RIMBP2: variants seen among roughly 807,000 people sequenced by gnomAD.
RIMBP2 encodes RIMS-binding protein 2.
In RIMBP2, 48 loss-of-function variants were observed where a neutral mutation model predicts 118.6. That is an observed-to-expected ratio of 0.40 (90% CI 0.32 to 0.51). The LOEUF (loss-of-function observed/expected upper bound fraction) is 0.51, where lower values mean the gene tolerates loss of function less well. Among genes scored for constraint, RIMBP2 ranks in the 20% least tolerant of loss-of-function variants. The probability of loss-of-function intolerance (pLI) is 0.41; values close to 1 mark genes in which losing one functional copy is unlikely to be tolerated. For synonymous variants in RIMBP2, 762 were observed against 742.9 expected (o/e 1.03, Z -0.42); for missense variants, 1,551 against 1,768.3 (o/e 0.88, Z 2.20).
intron 6 of RIMBP2, among the ~76,000 whole-genome samples, chr12:130,461,269 G>A (rs1336423605): frequency 2.6e-5 from 4 of 152,176 alleles, no homozygotes; most frequent in African/African-American, 7.2e-5. Flanking sequence ...GGGGGGTCCC[G>A]GAGTGGACTT....
chr12:130,620,940 C>T lies in RIMBP2; in HGVS notation c.-217+7382G>A, dbSNP rs117790523. 0.041 allele frequency among the ~76,000 whole-genome samples: 6,177 copies of T among 152,216 alleles called. 160 individuals carry two copies. The highest frequency in any genetic ancestry group is 0.066 in the Non-Finnish European group (4,491 of 68,008). On this transcript the variant is annotated intron_variant, in intron 2 of 22. Transcript: ENST00000690449. The surrounding 1 kb of genome is among the most constrained non-coding windows in gnomAD (Gnocchi z 5.3). ...ACCTGGAACCTGCAGACCTGGACTCCGGGCCTGGGGCACCTGTGAGCCATC... is the reference window on the plus strand; with the variant it reads ...ACCTGGAACCTGCAGACCTGGACTCTGGGCCTGGGGCACCTGTGAGCCATC...
intron 9 of RIMBP2, among the ~76,000 whole-genome samples, chr12:130,449,302 G>A (rs1056725781): frequency 1.3e-5 from 2 of 152,234 alleles, no homozygotes; most frequent in African/African-American, 4.8e-5. Flanking sequence ...CTTTCCTTAC[G>A]ATCAGGTAGT....
intron 4 of RIMBP2, among the ~76,000 whole-genome samples, chr12:130,502,862 G>T (rs1344774666): frequency 1.3e-5 from 2 of 152,102 alleles, no homozygotes; most frequent in Non-Finnish European, 2.9e-5. Flanking sequence ...GGGATGCCAC[G>T]TGTGTCTCAC....
rs1166333122 is a variant in RIMBP2 at position 130,475,177 on chromosome 12, G to A, written c.102+3735C>T. ...CCCTGGGCACTTTCATCACTCATTCGTCATTCACCCATTTGTTTATTTCTC... is the reference window on the plus strand; with the variant it reads ...CCCTGGGCACTTTCATCACTCATTCATCATTCACCCATTTGTTTATTTCTC... On this transcript the variant is annotated intron_variant, in intron 5 of 22. Coordinates refer to ENST00000690449, the MANE Select transcript of RIMBP2 (RefSeq NM_001393629.1). This position sits in a 1 kb window ranked among gnomAD's most constrained non-coding sequence, Gnocchi z 4.1. 2.0e-5 allele frequency among the ~76,000 whole-genome samples: 3 copies of A among 152,294 alleles called. No homozygotes were observed. The highest frequency in any genetic ancestry group is 4.4e-5 in the Non-Finnish European group (3 of 68,020).
chr12:130,632,107 G>A (rs1306044260), intron 1 of RIMBP2, among the ~76,000 whole-genome samples: 5 of 152,298 alleles, frequency 3.3e-5, no homozygotes, highest in Non-Finnish European at 4.4e-5. Flanking sequence ...CTACTTCATC[G>A]TGGGACGATT....
intron 2 of RIMBP2, among the ~76,000 whole-genome samples, chr12:130,572,306 C>T (rs560373032): frequency 4.5e-5 from 6 of 133,900 alleles, no homozygotes; most frequent in Admixed American, 1.5e-4. Flanking sequence ...AAGACCCAGG[C>T]GCTCCTGAGT....
intron 3 of RIMBP2, among the ~76,000 whole-genome samples, chr12:130,515,320 C>T (rs1298944096): frequency 1.3e-5 from 2 of 152,204 alleles, no homozygotes; most frequent in Non-Finnish European, 2.9e-5. Context: ...ATCTCTAGAA[C>T]TCTCTTCCTC....
At chr12:130,500,411 TCACGCCACTG>T (rs1338950609) in intron 4 of RIMBP2, among the ~76,000 whole-genome samples, 1 of 152,162 alleles carries the variant, frequency 6.6e-6, no homozygotes, top group Non-Finnish European at 1.5e-5. Context: ...TGAGCCCAGA[TCACGCCACTG>T]CACTCCAGCC....
At chr12:130,643,418 G>A (rs1244881340) in intron 1 of RIMBP2, among the ~76,000 whole-genome samples, 2 of 152,198 alleles carry the variant, frequency 1.3e-5, no homozygotes, top group African/African-American at 2.4e-5. Flanking sequence ...CAGGACCATG[G>A]AAGCACAGAG....
At chr12:130,565,312 T>G (rs2057133995) in intron 2 of RIMBP2, among the ~76,000 whole-genome samples, 1 of 152,146 alleles carries the variant, frequency 6.6e-6, no homozygotes, top group African/African-American at 2.4e-5. Flanking sequence ...CTGGTAGGGA[T>G]GTAAAATGGG....
chr12:130,548,001 G>A (rs181514987), intron 2 of RIMBP2, among the ~76,000 whole-genome samples: 27 of 152,256 alleles, frequency 1.8e-4, no homozygotes, highest in African/African-American at 2.9e-4. Context: ...AAGGATGATC[G>A]TATGTCAAGT....
rs201638148 is a variant in RIMBP2, at chr12:130,456,574, C to G, written c.280G>C (p.Ala94Pro). 3.1e-4 allele frequency: 493 copies of G among 1,613,270 alleles called. 4 individuals are homozygous for G. The highest frequency in any genetic ancestry group is 1.7e-3 in the South Asian group (155 of 90,994). ...KIDLLGGSAVAPLDISTAPSK... is the reference protein window; with the variant it reads ...KIDLLGGSAVPPLDISTAPSK... ...GGGGCCGTGGAGATGTCCAGGGGGG[C>G]CACCGCGCTGCCACCCAGCAGGTCA... Residue 94 changes from alanine to proline, a missense_variant, in exon 7 of 23, where the codon GCC becomes CCC. This residue lies in a region of RIMBP2 where 239 missense variants were observed against 256.8 expected (regional missense o/e 0.93). Transcript: ENST00000690449.
chr12:130,557,535 G>A (rs570395597), intron 2 of RIMBP2, among the ~76,000 whole-genome samples: 4 of 152,214 alleles, frequency 2.6e-5, no homozygotes, highest in South Asian at 2.1e-4. Flanking sequence ...TCCAAAGCCC[G>A]CAGCCCCAGG....
At chr12:130,701,637 T>C (rs2065859840) in intron 1 of RIMBP2, among the ~76,000 whole-genome samples, 1 of 152,134 alleles carries the variant, frequency 6.6e-6, no homozygotes, top group Non-Finnish European at 1.5e-5. Context: ...TGAGACCGAC[T>C]GTAGCACCTG....
intron 4 of RIMBP2, among the ~76,000 whole-genome samples, chr12:130,480,457 T>C (rs2081888289): frequency 6.6e-6 from 1 of 152,154 alleles, no homozygotes; most frequent in African/African-American, 2.4e-5. Context: ...ATGACCCAGG[T>C]CCTAAAGCAA....
chr12:130,698,952 T>G (rs2065704724), intron 1 of RIMBP2, among the ~76,000 whole-genome samples: 1 of 152,080 alleles, frequency 6.6e-6, no homozygotes, highest in Non-Finnish European at 1.5e-5. Context: ...AAAGAAGACA[T>G]TTATGCAGCC....
chr12:130,593,191 G>A (rs2059376745), intron 2 of RIMBP2, among the ~76,000 whole-genome samples: 1 of 152,166 alleles, frequency 6.6e-6, no homozygotes. Flanking sequence ...CCCCAAGGAG[G>A]GACCCTCCAC....
rs560739781 is a variant in RIMBP2 at position 130,434,673 on chromosome 12, C to T, written c.2253+61G>A. On this transcript the variant is annotated intron_variant, in intron 14 of 22. Coordinates refer to ENST00000690449, the MANE Select transcript of RIMBP2 (RefSeq NM_001393629.1). This position sits in a 1 kb window ranked among gnomAD's most constrained non-coding sequence, Gnocchi z 5.7. Reference sequence around the variant, plus strand: ...AAGTGCCCATGTCTCTTGATCTCCACGGGGCCCGCTCCGAGCCCGCGCCCA... The same window carrying T: ...AAGTGCCCATGTCTCTTGATCTCCATGGGGCCCGCTCCGAGCCCGCGCCCA... 168 of 1,541,404 alleles carry T rather than the reference C, an allele frequency of 1.1e-4. 1 individual carries two copies. The African/African-American group carries it at 1.8e-3, about 16-fold the overall frequency.
intron 10 of RIMBP2, 114 bp downstream of exon 10, chr12:130,445,045 TG>T (rs2078414140): frequency 1.5e-6 from 1 of 658,756 alleles, no homozygotes; most frequent in Non-Finnish European, 2.6e-6. Flanking sequence ...AGAGGAGGGC[TG>T]GGTGGCCAGG....
Sources: gnomAD v4.1 joint callset for allele counts (sites outside exome capture counted in the v4.1 genomes callset) on GRCh38, gnomAD v4.1.1 for gene constraint, gnomAD v4.1.1 regional missense constraint, Gnocchi (gnomAD v3.1) non-coding constraint, MANE v1.5 for transcripts, NCBI Gene and HGNC (gene_info 2026-07-23, HGNC 2026-07-21) for gene names.